Variants in PDCD11 observed in about 807,000 individuals in gnomAD.
The protein encoded by PDCD11 is protein RRP5 homolog.
Under a neutral mutation model 198.9 loss-of-function variants are expected in PDCD11, and 97 were observed. That is an observed-to-expected ratio of 0.49 (90% confidence interval 0.41 to 0.58). The LOEUF (loss-of-function observed/expected upper bound fraction) is 0.58, where lower values mean the gene tolerates loss of function less well. Ranked by LOEUF, PDCD11 falls within the 20% of genes least tolerant of loss-of-function variation. PDCD11 has a pLI of 0.00. For missense variants in PDCD11, 2,102 were observed against 2,312.7 expected, an observed-to-expected ratio of 0.91 and a Z score of 1.87; for synonymous variants, 893 against 918.0, an observed-to-expected ratio of 0.97 and a Z score of 0.49.
chr10:103,416,039 T>C lies in PDCD11; in HGVS notation c.1519-452T>C, dbSNP rs143792242. Among the ~76,000 whole-genome samples the C allele has an allele frequency of 7.5e-3, 1,148 of 152,288 alleles. 9 individuals carry two copies. Among genetic ancestry groups the C allele is most frequent in the Non-Finnish European group, 8.8e-3 (602 of 68,028 alleles). On this transcript the variant is annotated intron_variant, in intron 12 of 35. Coordinates refer to ENST00000369797, the MANE Select transcript of PDCD11 (RefSeq NM_014976.2). ...TCAAGGGTTAAAAATACTTTTTCTG[T>C]CTTTAAGGAGATGACCTTCTGAAGG...
At chr10:103,419,367 AT>A (rs1309697561) in intron 15 of PDCD11, among the ~76,000 whole-genome samples, 170 bp from the exon 16 acceptor site, 2 of 152,054 alleles carry the variant, frequency 1.3e-5, no homozygotes, top group Non-Finnish European at 1.5e-5. Context: ...GAGAACTTGC[AT>A]TTCTCCTAAG....
At chr10:103,423,711 A>T (rs1313950632) in intron 19 of PDCD11, 53 bp downstream of exon 19, 2 of 1,183,498 alleles carry the variant, frequency 1.7e-6, no homozygotes, top group Non-Finnish European at 2.5e-6. Context: ...GTACCCTTCA[A>T]CCCCACTCCA....
At position 103,432,186 on chromosome 10, in the gene PDCD11, G is replaced by T. The variant is rs1444162629; in HGVS notation, c.3426G>T (p.Lys1142Asn). The T allele has an allele frequency of 6.2e-7, 1 of 1,614,138 alleles. No individual in the cohort carries two copies. Among genetic ancestry groups the T allele is most frequent in the Non-Finnish European group, 8.5e-7 (1 of 1,179,970 alleles). ...LNTHSVSPME[K>N]IKQYQAGQTV... ...CTCACTCTGTTAGCCCCATGGAGAAGATTAAACAGTACCAGGCCGGCCAGA... is the reference window on the plus strand; with the variant it reads ...CTCACTCTGTTAGCCCCATGGAGAATATTAAACAGTACCAGGCCGGCCAGA... The change falls in exon 22 of 36, where the codon AAG (lysine) becomes AAT (asparagine). Residue 1142 changes from lysine to asparagine, a missense_variant. Transcript: ENST00000369797.
At chr10:103,400,013 A>T (rs74966383) in intron 2 of PDCD11, among the ~76,000 whole-genome samples, 3,414 of 152,240 alleles carry the variant, frequency 0.022, 69 homozygotes, top group Middle Eastern at 0.031. Flanking sequence ...AGCTGAAACC[A>T]CATAGCTTGT....
intron 11 of PDCD11, 90 bp downstream of exon 11, chr10:103,414,420 T>C (rs896018914): frequency 1.2e-6 from 1 of 841,056 alleles, no homozygotes; most frequent in Non-Finnish European, 2.0e-6. Flanking sequence ...TTAGTCCTCA[T>C]GTTAACACAT....
intron 32 of PDCD11, 100 bp from the exon 33 acceptor site, chr10:103,443,061 CAGAT>C (rs1478541658): frequency 2.8e-5 from 28 of 1,013,144 alleles, no homozygotes; most frequent in Middle Eastern, 3.4e-4. Context: ...TCTGAGGACA[CAGAT>C]AGAGGCTGGG....
At chr10:103,434,555 A>G (rs1208519948) in intron 24 of PDCD11, 1 of 597,040 alleles carries the variant, frequency 1.7e-6, no homozygotes, top group African/African-American at 1.9e-5. Flanking sequence ...CTTTACCTAT[A>G]CAGGTTACCC....
rs192541211 is a variant in PDCD11 at position 103,411,453 on chromosome 10, C to T, written c.978+1647C>T. On this transcript the variant is annotated intron_variant, in intron 8 of 35. Transcript: ENST00000369797. ...CAACCACGGTTAATTGCAACCTCAA[C>T]CTCCTGGGTTCAGGCGATCCTTCCA... Among the ~76,000 whole-genome samples the T allele has an allele frequency of 1.1e-3, 162 of 152,254 alleles. 3 individuals carry two copies. Among genetic ancestry groups the T allele is most frequent in the Non-Finnish European group, 3.1e-4 (21 of 68,020 alleles).
At chr10:103,422,055 TTTATTATTA>T (rs201558637) in intron 17 of PDCD11, among the ~76,000 whole-genome samples, 2,654 of 127,416 alleles carry the variant, frequency 0.021, 84 homozygotes, top group African/African-American at 0.061. Context: ...AGTGCACAAT[TTTATTATTA>T]TTATTATTAT....
At chr10:103,436,463 A>G (rs1307836370) in intron 25 of PDCD11, among the ~76,000 whole-genome samples, 1 of 152,216 alleles carries the variant, frequency 6.6e-6, no homozygotes, top group African/African-American at 2.4e-5. Flanking sequence ...TCCAGTAGTC[A>G]ACTGACAGTA....
intron 33 of PDCD11, 23 bp from the exon 34 acceptor site, chr10:103,443,892 G>T (rs2032492173): frequency 1.2e-6 from 2 of 1,612,512 alleles, no homozygotes; most frequent in Non-Finnish European, 1.7e-6. Context: ...ACTCTCCTCA[G>T]CGTGCCTCGT....
At chr10:103,398,372 C>T in intron 1 of PDCD11, 44 bp from the exon 2 acceptor site, 3 of 1,204,328 alleles carry the variant, frequency 2.5e-6, no homozygotes, top group Non-Finnish European at 3.7e-6. Context: ...CTGAAATCTG[C>T]TACCAAGACA....
At chr10:103,436,574 C>T (rs1353566281) in intron 25 of PDCD11, among the ~76,000 whole-genome samples, 1 of 152,240 alleles carries the variant, frequency 6.6e-6, no homozygotes, top group Non-Finnish European at 1.5e-5. Context: ...TTCTCAACCA[C>T]TCACAACCAC....
intron 24 of PDCD11, 54 bp downstream of exon 24, chr10:103,434,404 G>T: frequency 8.5e-7 from 1 of 1,172,174 alleles, no homozygotes; most frequent in South Asian, 1.2e-5. Context: ...GGAAGGGGTG[G>T]GATGGGTTTT....
At chr10:103,411,868 G>A (rs1466582007) in intron 8 of PDCD11, among the ~76,000 whole-genome samples, 2 of 152,086 alleles carry the variant, frequency 1.3e-5, no homozygotes, top group Non-Finnish European at 2.9e-5. Flanking sequence ...TAGTTTCAGA[G>A]GAGCCTTGGA....
rs764921702 is a variant in PDCD11, at chr10:103,440,308, C to A, written c.4167C>A (p.Asn1389Lys). The change falls in exon 29 of 36, where the codon AAC (asparagine) becomes AAA (lysine). Residue 1389 changes from asparagine (N) to lysine (K), a missense_variant. Transcript: ENST00000369797. ...ARVLRLNHQK[N>K]LVELSFLPGD... ...GTCATAGCCTTAACCACCAGAAGAA[C>A]CTGGTAGAGCTGTCTTTCCTCCCCG... is the stretch of plus-strand genomic sequence containing the variant. 20 of 1,613,292 alleles carry A rather than the reference C, an allele frequency of 1.2e-5. No homozygotes were observed. The highest frequency in any genetic ancestry group is 1.7e-5 in the Non-Finnish European group (20 of 1,179,626).
rs535560760 is a variant in PDCD11 at position 103,420,348 on chromosome 10, C to G, written c.2277+640C>G. ...CACTTAGACAGGGAAATTGATCATC[C>G]TGAGCTACTGAGTACAGGTTTTGCA... is the stretch of plus-strand genomic sequence containing the variant. On this transcript the variant is annotated intron_variant, in intron 16 of 35. Coordinates refer to ENST00000369797, the MANE Select transcript of PDCD11 (RefSeq NM_014976.2). 2.4e-4 allele frequency among the ~76,000 whole-genome samples: 36 copies of G among 152,244 alleles called. No individual in the cohort carries two copies. In the South Asian group the frequency reaches 7.5e-3, roughly 32 times the overall value.
At chr10:103,404,179 G>A (rs1284138151) in intron 4 of PDCD11, among the ~76,000 whole-genome samples, 2 of 151,874 alleles carry the variant, frequency 1.3e-5, no homozygotes, top group Non-Finnish European at 2.9e-5. Context: ...GGTAGAGACA[G>A]GGCTTCACCA....
rs1482552345 is a variant in PDCD11 at position 103,425,482 on chromosome 10, G to A, written c.3262G>A (p.Val1088Ile). 6.2e-7 allele frequency: 1 copy of A among 1,613,836 alleles called. No individual in the cohort carries two copies. The highest frequency in any genetic ancestry group is 2.2e-5 in the East Asian group (1 of 44,838). The part of the protein sequence containing the change: ...PTTKLKVGKT[V>I]TARVIGGRDM... ...TACCAAGCTGAAGGTTGGGAAGACG[G>A]TCACTGCCCGAGTGATTGGCGGGCG... is the stretch of plus-strand genomic sequence containing the variant. Residue 1088 changes from valine to isoleucine, a missense_variant, in exon 20 of 36, where the codon GTC (valine) becomes ATC (isoleucine). Val to Ile is a conservative substitution (Grantham distance 29). Coordinates refer to ENST00000369797, the MANE Select transcript of PDCD11 (RefSeq NM_014976.2).
Sources: gnomAD v4.1 joint callset for allele counts (sites outside exome capture counted in the v4.1 genomes callset) on GRCh38, gnomAD v4.1.1 for gene constraint, MANE v1.5 for transcripts, NCBI Gene and HGNC (gene_info 2026-07-23, HGNC 2026-07-21) for gene names.